MAP4K4: variants seen among roughly 807,000 people sequenced by gnomAD.
MAP4K4 encodes the protein HPK/GCK-like kinase HGK.
In MAP4K4, 38 loss-of-function variants were observed where a neutral mutation model predicts 189.6. The ratio of observed to expected loss-of-function variants is 0.20; its 90% CI spans 0.15 to 0.26. MAP4K4 has a LOEUF of 0.26. Among genes scored for constraint, MAP4K4 ranks in the 10% least tolerant of loss-of-function variants. The pLI, the probability that MAP4K4 is intolerant of heterozygous loss-of-function variation, is 1.00. For synonymous variants in MAP4K4, 610 were observed against 624.3 expected (o/e 0.98, Z 0.34); for missense variants, 1,054 against 1,726.9 (o/e 0.61, Z 6.91).
At chr2:101,752,092 A>G (rs181822408) in intron 2 of MAP4K4, among the ~76,000 whole-genome samples, 1 of 152,166 alleles carries the variant, frequency 6.6e-6, no homozygotes, top group African/African-American at 2.4e-5. Context: ...CCAAAGCTTA[A>G]CGGTGTTTCA....
At chr2:101,827,265 C>T (rs1345750701) in intron 5 of MAP4K4, among the ~76,000 whole-genome samples, 3 of 152,134 alleles carry the variant, frequency 2.0e-5, no homozygotes, top group Non-Finnish European at 4.4e-5. Flanking sequence ...GAAACACAAG[C>T]TTCCTTTGCC....
At chr2:101,730,097 G>T (rs977588811) in intron 2 of MAP4K4, among the ~76,000 whole-genome samples, 1 of 152,126 alleles carries the variant, frequency 6.6e-6, no homozygotes, top group Non-Finnish European at 1.5e-5. Flanking sequence ...CCTAGGACGG[G>T]GGAAAGTAAA....
chr2:101,846,334 T>A (rs2097109095), intron 12 of MAP4K4, among the ~76,000 whole-genome samples: 1 of 152,230 alleles, frequency 6.6e-6, no homozygotes, highest in South Asian at 2.1e-4. Flanking sequence ...TTCTAGTTGT[T>A]TCTTGAAGTG....
At chr2:101,735,321 A>G (rs569570504) in intron 2 of MAP4K4, among the ~76,000 whole-genome samples, 48 of 152,280 alleles carry the variant, frequency 3.2e-4, no homozygotes, top group African/African-American at 1.1e-3. Flanking sequence ...ATTTTCACCA[A>G]TGCTAGCCCT....
chr2:101,888,045 A>G, intron 31 of MAP4K4, 108 bp downstream of exon 31: 1 of 974,404 alleles, frequency 1.0e-6, no homozygotes, highest in Non-Finnish European at 1.5e-6. Flanking sequence ...TTTGACTACC[A>G]TTGAACAGAG....
chr2:101,784,171 C>G (rs1048195559), intron 2 of MAP4K4, among the ~76,000 whole-genome samples: 2 of 152,124 alleles, frequency 1.3e-5, no homozygotes, highest in East Asian at 3.9e-4. Flanking sequence ...GCTGCTTTTG[C>G]ACATCCTATG....
intron 18 of MAP4K4, 90 bp from the exon 19 acceptor site, chr2:101,866,338 A>G (rs954448895): frequency 3.1e-6 from 4 of 1,283,360 alleles, no homozygotes; most frequent in Non-Finnish European, 4.3e-6. Context: ...CTTTAAAGAC[A>G]TTGGATGGGC....
chr2:101,814,627 T>C (rs1287509949), intron 3 of MAP4K4, among the ~76,000 whole-genome samples: 1 of 152,244 alleles, frequency 6.6e-6, no homozygotes, highest in African/African-American at 2.4e-5. Context: ...ATTGGCAGAC[T>C]ATAGCAAATT....
chr2:101,869,435 ATC>A (rs2097916674), intron 21 of MAP4K4, among the ~76,000 whole-genome samples, 185 bp from the exon 22 acceptor site: 2 of 148,992 alleles, frequency 1.3e-5, no homozygotes, highest in African/African-American at 5.0e-5. Flanking sequence ...TTTTTTTTTA[ATC>A]TCTCTCTTGA....
exon 26 of MAP4K4, chr2:101,874,212 G>A: frequency 6.2e-7 from 1 of 1,612,686 alleles, no homozygotes; most frequent in Non-Finnish European, 8.5e-7. Flanking sequence ...GTAAATACAA[G>A]AAGAGGTTTA....
intron 3 of MAP4K4, among the ~76,000 whole-genome samples, chr2:101,818,426 C>G (rs1282168370): frequency 6.6e-6 from 1 of 152,102 alleles, no homozygotes; most frequent in Non-Finnish European, 1.5e-5. Context: ...AGAGGGTATG[C>G]CAGGTGAAAG....
chr2:101,754,582 G>A (rs1574945685), intron 2 of MAP4K4, among the ~76,000 whole-genome samples: 1 of 152,260 alleles, frequency 6.6e-6, no homozygotes, highest in South Asian at 2.1e-4. Context: ...TTGAACTCAT[G>A]ACCTTAGGTG....
At chr2:101,862,417 C>A (rs2097692898) in intron 16 of MAP4K4, among the ~76,000 whole-genome samples, 1 of 151,874 alleles carries the variant, frequency 6.6e-6, no homozygotes, top group South Asian at 2.1e-4. Context: ...GAGAGGGTAA[C>A]TGGACACAAT....
intron 9 of MAP4K4, among the ~76,000 whole-genome samples, chr2:101,837,658 C>A (rs958896394): frequency 6.6e-6 from 1 of 152,042 alleles, no homozygotes; most frequent in Non-Finnish European, 1.5e-5. Flanking sequence ...GTAACTCTAC[C>A]CAGTTCATGC....
At chr2:101,831,874 GC>G (rs1420025175) in intron 7 of MAP4K4, 23 bp downstream of exon 7, 2 of 1,610,572 alleles carry the variant, frequency 1.2e-6, no homozygotes, top group Non-Finnish European at 1.7e-6. Flanking sequence ...TGCTCCGTAG[GC>G]CTTTGCAGGG....
chr2:101,836,588 C>CA (rs537200043), intron 9 of MAP4K4, among the ~76,000 whole-genome samples: 258 of 141,258 alleles, frequency 1.8e-3, no homozygotes, highest in African/African-American at 5.3e-3. Flanking sequence ...AACTCTGTCT[C>CA]AAAAAAAAAA....
chr2:101,855,623 T>C (rs769844202), intron 12 of MAP4K4, among the ~76,000 whole-genome samples: 1 of 152,218 alleles, frequency 6.6e-6, no homozygotes, highest in African/African-American at 2.4e-5. Flanking sequence ...TTTCTCTTAA[T>C]GTATTTTTCT....
intron 23 of MAP4K4, 142 bp downstream of exon 23, chr2:101,870,557 G>A (rs1300610140): frequency 4.3e-6 from 5 of 1,169,860 alleles, no homozygotes; most frequent in East Asian, 2.6e-5. Context: ...GTCGAGTGTC[G>A]GGGGCTAGGG....
At chr2:101,800,210 G>T (rs899836776) in intron 3 of MAP4K4, among the ~76,000 whole-genome samples, 2 of 151,926 alleles carry the variant, frequency 1.3e-5, no homozygotes, top group South Asian at 4.2e-4. Flanking sequence ...GCTTACTGCA[G>T]CTTCAACTTC....
Sources: gnomAD v4.1 joint callset for allele counts (sites outside exome capture counted in the v4.1 genomes callset) on GRCh38, gnomAD v4.1.1 for gene constraint, MANE v1.5 for transcripts, NCBI Gene and HGNC (gene_info 2026-07-23, HGNC 2026-07-21) for gene names.